Variants in CPOX observed in about 807,000 individuals in gnomAD.
CPOX encodes the protein oxygen-dependent coproporphyrinogen-III oxidase, mitochondrial.
A neutral mutation model predicts 48.9 loss-of-function variants in CPOX; 24 were observed. The observed-to-expected ratio is 0.49, with a 90% confidence interval of 0.36 to 0.69. The LOEUF is 0.69. CPOX is among the 30% of genes least tolerant of loss of function. The pLI is 0.00. For missense variants in CPOX, 549 were observed against 597.3 expected (o/e 0.92, Z 0.84); for synonymous variants, 249 against 234.6 (o/e 1.06, Z -0.56).
rs1468461780 is a variant in CPOX at position 98,593,536 on chromosome 3, C to T, written c.-32G>A. The T allele has an allele frequency of 2.0e-6, 3 of 1,508,268 alleles. No homozygotes were observed. The Admixed American group carries it at 6.2e-5, about 31-fold the overall frequency. 93.4% of individuals were successfully genotyped at this position (1,508,268 alleles called of 1,614,324 possible). On this transcript the variant is annotated 5_prime_UTR_variant, in exon 1 of 7. Coordinates refer to ENST00000647941, the MANE Select transcript of CPOX (RefSeq NM_000097.7). ...GCACTATCACCTGGAGCAGTGCCTG[C>T]GTCCCAGAGCCCTGCGTTTGAGCCC...
the CPOX span, among the ~76,000 whole-genome samples, chr3:98,572,163 C>T: frequency 1.3e-5 from 2 of 152,210 alleles, no homozygotes; most frequent in African/African-American, 4.8e-5. Context: ...AATTCAACAA[C>T]TACAAGTGTG....
intron 4 of CPOX, among the ~76,000 whole-genome samples, chr3:98,587,142 A>G (rs1707380011): frequency 6.8e-6 from 1 of 147,666 alleles, no homozygotes; most frequent in South Asian, 2.1e-4. Context: ...TTGCTTAAAC[A>G]ACAACAACAA....
At chr3:98,590,267 C>T (rs1440686690) in intron 3 of CPOX, among the ~76,000 whole-genome samples, 2 of 152,274 alleles carry the variant, frequency 1.3e-5, no homozygotes, top group Admixed American at 1.3e-4. Context: ...TCCACCTCAG[C>T]TGCCCGAATA....
At chr3:98,583,498 C>G (rs1707299486) in intron 5 of CPOX, among the ~76,000 whole-genome samples, 1 of 152,106 alleles carries the variant, frequency 6.6e-6, no homozygotes, top group African/African-American at 2.4e-5. Flanking sequence ...GGACTTTAAC[C>G]AATCCCTTCA....
Position 98,579,925 on chromosome 3 carries a change from T to C in CPOX, c.*758A>G, listed in dbSNP as rs764879790. 19 of 985,678 alleles carry C rather than the reference T, an allele frequency of 1.9e-5. No individual in the cohort carries two copies. The Admixed American group carries it at 7.4e-4, about 38-fold the overall frequency. The allele number at this position is 985,678 out of a possible 1,614,324, so 61.1% of individuals were successfully genotyped here. ...CAGAGATGTCTGAAATAGAAAACTCTTAAGTATCAGAATTCAGGGATATAA... is the reference window on the plus strand; with the variant it reads ...CAGAGATGTCTGAAATAGAAAACTCCTAAGTATCAGAATTCAGGGATATAA... On this transcript the variant is annotated 3_prime_UTR_variant, in exon 7 of 7. Coordinates refer to ENST00000647941, the MANE Select transcript of CPOX (RefSeq NM_000097.7).
At chr3:98,589,931 A>G (rs1401378984) in intron 3 of CPOX, among the ~76,000 whole-genome samples, 1 of 152,228 alleles carries the variant, frequency 6.6e-6, no homozygotes, top group Non-Finnish European at 1.5e-5. Flanking sequence ...ACCCACTGCT[A>G]ATGCCCTGGT....
chr3:98,571,485 G>A, the CPOX span, among the ~76,000 whole-genome samples: 1 of 151,526 alleles, frequency 6.6e-6, no homozygotes, highest in African/African-American at 2.4e-5. Flanking sequence ...TCAGGAGATC[G>A]AGACCATCCC....
downstream of CPOX, chr3:98,579,410 C>T (rs1707209224): frequency 1.5e-6 from 1 of 664,506 alleles, no homozygotes; most frequent in African/African-American, 2.0e-5. Flanking sequence ...ATGCGTTTTC[C>T]TATATTATCC....
Position 98,593,217 on chromosome 3 carries a change from C to A in CPOX, c.288G>T (p.Val96=), listed in dbSNP as rs780383426. 1.9e-6 allele frequency: 3 copies of A among 1,578,214 alleles called. No homozygotes were observed. The highest frequency in any genetic ancestry group is 2.3e-5 in the East Asian group (1 of 44,350). ...TCTTAGGCAACATCTCCGCCCGCTG[C>A]ACATGCCCGAAGGCGGCGGTGGCCA... is the stretch of plus-strand genomic sequence containing the variant. ...VGLATAAFGH[V]QRAEMLPKTS... Residue 96 remains valine (V), a synonymous_variant, in exon 1 of 7, where the codon GTG becomes GTT. Coordinates refer to ENST00000647941, the MANE Select transcript of CPOX (RefSeq NM_000097.7).
intron 3 of CPOX, 123 bp downstream of exon 3, chr3:98,590,509 C>T: frequency 5.3e-6 from 4 of 759,672 alleles, no homozygotes; most frequent in East Asian, 5.3e-5. Context: ...ATTGCCTTTA[C>T]ATTGCCTCCT....
chr3:98,572,586 A>G, the CPOX span, among the ~76,000 whole-genome samples: 1 of 152,154 alleles, frequency 6.6e-6, no homozygotes, highest in Non-Finnish European at 1.5e-5. Flanking sequence ...TGTAGTTTAA[A>G]GTCTCTCACT....
intron 3 of CPOX, 40 bp downstream of exon 3, chr3:98,590,592 T>G: frequency 7.3e-7 from 1 of 1,363,446 alleles, no homozygotes; most frequent in Non-Finnish European, 1.1e-6. Flanking sequence ...AAATGCACAT[T>G]TTGCACGACA....
At position 98,591,004 on chromosome 3, in the gene CPOX, T is replaced by C; in HGVS notation, c.700+8A>G. On this transcript the variant is annotated splice_region_variant and intron_variant, in intron 2 of 6. Coordinates refer to ENST00000647941, the MANE Select transcript of CPOX (RefSeq NM_000097.7). ...ACTATTAGAGACTATCAAGACTGTC[T>C]GATTTACCATCTTTAGTCTTCAGAA... is the stretch of plus-strand genomic sequence containing the variant. 2 of 1,614,128 alleles carry C rather than the reference T, an allele frequency of 1.2e-6. No homozygotes were observed. Among genetic ancestry groups the C allele is most frequent in the Non-Finnish European group, 1.7e-6 (2 of 1,179,932 alleles).
downstream of CPOX, among the ~76,000 whole-genome samples, chr3:98,577,705 A>G (rs1227149170): frequency 6.6e-6 from 1 of 152,140 alleles, no homozygotes; most frequent in East Asian, 1.9e-4. Flanking sequence ...ACAGAAAACC[A>G]CCATACTGCC....
intron 3 of CPOX, chr3:98,589,705 G>A (rs1707441104): frequency 6.6e-6 from 1 of 152,264 alleles, no homozygotes; most frequent in Non-Finnish European, 1.5e-5. Context: ...TCCATGAGTT[G>A]TCAATACCAG....
At chr3:98,571,288 C>T in the CPOX span, among the ~76,000 whole-genome samples, 4 of 152,160 alleles carry the variant, frequency 2.6e-5, no homozygotes, top group African/African-American at 9.7e-5. Flanking sequence ...GCTAATTTCT[C>T]TTTTTCCTTT....
chr3:98,583,066 A>G (rs1707291549), intron 5 of CPOX, among the ~76,000 whole-genome samples: 1 of 152,148 alleles, frequency 6.6e-6, no homozygotes, highest in Admixed American at 6.5e-5. Context: ...TCTCTAGGGG[A>G]TGGGTATGGT....
Position 98,588,864 on chromosome 3 carries a change from C to G in CPOX, c.812-10G>C, listed in dbSNP as rs1284377377. The G allele has an allele frequency of 6.2e-7, 1 of 1,614,110 alleles. No homozygotes were observed. The stretch of plus-strand genomic sequence containing the variant: ...CACCACTGCTTGTTGCCTACCAAAT[C>G]AAGACATGGGATTCTAATGTGGACT... On this transcript the variant is annotated splice_polypyrimidine_tract_variant and intron_variant, in intron 3 of 6. Transcript: ENST00000647941.
At chr3:98,581,711 CAATAG>C (rs1239845548) in intron 5 of CPOX, among the ~76,000 whole-genome samples, 200 bp from the exon 6 acceptor site, 3 of 152,142 alleles carry the variant, frequency 2.0e-5, no homozygotes, top group Non-Finnish European at 4.4e-5. Context: ...ACCCACCAAA[CAATAG>C]AATATAGATT....
Sources: allele counts gnomAD v4.1 joint callset (sites outside exome capture counted in the v4.1 genomes callset), GRCh38; gene constraint gnomAD v4.1.1; transcripts MANE v1.5; gene names NCBI Gene and HGNC (gene_info 2026-07-23, HGNC 2026-07-21).